CTNND2: variants seen among roughly 807,000 people sequenced by gnomAD.
CTNND2 encodes catenin delta 2, also known as catenin delta-2.
CTNND2 carries 22 observed loss-of-function variants against 144.4 expected under a neutral mutation model. That is an observed-to-expected ratio of 0.15 (90% CI 0.11 to 0.22). CTNND2 has a LOEUF of 0.22. CTNND2 is among the 10% of genes least tolerant of loss of function. The probability of loss-of-function intolerance (pLI) is 1.00; values close to 1 mark genes in which losing one functional copy is unlikely to be tolerated. For synonymous variants in CTNND2, 751 were observed against 695.6 expected (o/e 1.08, Z -1.25); for missense variants, 1,353 against 1,618.8 (o/e 0.84, Z 2.82).
chr5:11,700,548 G>C (rs1414673322), intron 2 of CTNND2, among the ~76,000 whole-genome samples: 1 of 152,188 alleles, frequency 6.6e-6, no homozygotes, highest in Non-Finnish European at 1.5e-5. Flanking sequence ...GCCATGGTGA[G>C]AATGTGCCTC....
rs199661061 is a variant in CTNND2 at position 11,130,262 on chromosome 5, C to CG, written c.2160-12696_2160-12695insC. Among the ~76,000 whole-genome samples, 7 of 152,152 alleles carry CG rather than the reference C, an allele frequency of 4.6e-5. No individual in the cohort carries two copies. The South Asian group carries it at 1.3e-3, about 27-fold the overall frequency. ...GTGGTTGCTAGGTTCATACCACACC[C>CG]CCCCCATCCACCCATAAACGTAAGC... On this transcript the variant is annotated intron_variant, in intron 12 of 21. Coordinates refer to ENST00000304623, the MANE Select transcript of CTNND2 (RefSeq NM_001332.4).
intron 7 of CTNND2, among the ~76,000 whole-genome samples, chr5:11,366,804 GA>G (rs1163562576): frequency 6.6e-6 from 1 of 152,036 alleles, no homozygotes; most frequent in Non-Finnish European, 1.5e-5. Context: ...AACATCCAAT[GA>G]TGACCAATGA....
At chr5:11,290,882 T>C (rs1306681481) in intron 9 of CTNND2, among the ~76,000 whole-genome samples, 1 of 152,188 alleles carries the variant, frequency 6.6e-6, no homozygotes, top group African/African-American at 2.4e-5. Flanking sequence ...ACTGAGCCCC[T>C]AAGAAGGGAC....
intron 3 of CTNND2, among the ~76,000 whole-genome samples, chr5:11,450,823 G>A (rs775764642): frequency 5.3e-5 from 8 of 149,832 alleles, no homozygotes; most frequent in South Asian, 4.2e-4. Flanking sequence ...ACTTGAACCC[G>A]GGAGGCGGAG....
At chr5:11,050,145 A>G (rs1745683087) in intron 16 of CTNND2, among the ~76,000 whole-genome samples, 1 of 152,038 alleles carries the variant, frequency 6.6e-6, no homozygotes, top group Admixed American at 6.5e-5. Flanking sequence ...CTTTCTACCA[A>G]TTTCTGGTAG....
rs1009246816 is a variant in CTNND2, at chr5:11,903,093, C to A, written c.37+724G>T. 8.7e-6 allele frequency: 6 copies of A among 689,706 alleles called. No individual in the cohort carries two copies. The highest frequency in any genetic ancestry group is 7.2e-4 in the Middle Eastern group (1 of 1,392). The allele number at this position is 689,706 out of a possible 1,614,324, so 42.7% of individuals were successfully genotyped here. ...GGTCGGGAAAAAAAGAAAAAAGCAG[C>A]TTCGCTTTCAGCCATTAATTACGGA... On this transcript the variant is annotated intron_variant, in intron 1 of 21. Coordinates refer to ENST00000304623, the MANE Select transcript of CTNND2 (RefSeq NM_001332.4). This position sits in a 1 kb window ranked among gnomAD's most constrained non-coding sequence, Gnocchi z 5.4.
chr5:11,806,991 C>G (rs1028033168), intron 1 of CTNND2, among the ~76,000 whole-genome samples: 1 of 151,960 alleles, frequency 6.6e-6, no homozygotes. Context: ...TCTCAAGTTG[C>G]TAATGGGTGT....
chr5:11,846,481 A>G (rs1360463511), intron 1 of CTNND2, among the ~76,000 whole-genome samples: 1 of 152,200 alleles, frequency 6.6e-6, no homozygotes, highest in African/African-American at 2.4e-5. Context: ...ACCCAAAACT[A>G]TGCAATTAGT....
intron 3 of CTNND2, among the ~76,000 whole-genome samples, chr5:11,519,713 G>A (rs981340440): frequency 1.4e-4 from 21 of 152,128 alleles, no homozygotes; most frequent in African/African-American, 5.1e-4. Context: ...GATAGGAAGT[G>A]TTTTCTAAGT....
At chr5:11,051,370 C>T (rs911972263) in intron 16 of CTNND2, among the ~76,000 whole-genome samples, 7 of 152,100 alleles carry the variant, frequency 4.6e-5, no homozygotes, top group African/African-American at 1.7e-4. Flanking sequence ...AGACACAGCT[C>T]CCTGGTTAAT....
intron 3 of CTNND2, among the ~76,000 whole-genome samples, chr5:11,470,971 T>TATATATATATATAC: frequency 1.0e-5 from 1 of 95,728 alleles, no homozygotes; most frequent in South Asian, 3.5e-4. Context: ...TATATATATA[T>TATATATATATATAC]ATATATATAT....
chr5:11,903,698 A>AGCCGCC lies in CTNND2; in HGVS notation c.37+113_37+118dup, dbSNP rs1015869490. On this transcript the variant is annotated intron_variant, in intron 1 of 21. Coordinates refer to ENST00000304623, the MANE Select transcript of CTNND2 (RefSeq NM_001332.4). This position sits in a 1 kb window ranked among gnomAD's most constrained non-coding sequence, Gnocchi z 5.4. ...CCGAGGCAGGCAGAAACCCCGCAGC[A>AGCCGCC]GCCGCCGCCGCCGCCTGCCGGCCGG... The AGCCGCC allele has an allele frequency of 1.2e-5, 13 of 1,081,998 alleles. No homozygotes were observed. Among genetic ancestry groups the AGCCGCC allele is most frequent in the South Asian group, 2.0e-5 (1 of 51,236 alleles). The allele number at this position is 1,081,998 out of a possible 1,614,324, so 67.0% of individuals were successfully genotyped here. A position where few individuals can be genotyped will look rare whatever the true frequency, so the allele number is the denominator to read the frequency against.
intron 3 of CTNND2, among the ~76,000 whole-genome samples, chr5:11,448,803 G>T (rs977193473): frequency 3.9e-5 from 6 of 152,034 alleles, no homozygotes; most frequent in African/African-American, 1.4e-4. Context: ...CAAAAAGCTG[G>T]AACTATAGGC....
chr5:11,423,887 A>T (rs544536352), intron 3 of CTNND2, among the ~76,000 whole-genome samples: 51 of 151,702 alleles, frequency 3.4e-4, no homozygotes, highest in East Asian at 3.1e-3. Flanking sequence ...TAAAGAAAAA[A>T]TTTTTTTTTT....
intron 2 of CTNND2, among the ~76,000 whole-genome samples, chr5:11,634,841 G>A (rs978237756): frequency 6.6e-6 from 1 of 152,096 alleles, no homozygotes; most frequent in African/African-American, 2.4e-5. Flanking sequence ...TAAAGGTGCA[G>A]CTTGTGGTAT....
At chr5:11,516,922 AAAT>A (rs1305622527) in intron 3 of CTNND2, among the ~76,000 whole-genome samples, 1 of 152,168 alleles carries the variant, frequency 6.6e-6, no homozygotes, top group Non-Finnish European at 1.5e-5. Context: ...CTCAATTTCA[AAAT>A]TTGTAGTTGT....
At chr5:11,453,875 T>C (rs1176587054) in intron 3 of CTNND2, among the ~76,000 whole-genome samples, 3 of 152,224 alleles carry the variant, frequency 2.0e-5, no homozygotes, top group African/African-American at 7.2e-5. Context: ...AATCATTTAT[T>C]ACACGATAAT....
rs138937696 is a variant in CTNND2 at position 11,852,256 on chromosome 5, G to C, written c.37+51561C>G. Among the ~76,000 whole-genome samples, 8 of 152,130 alleles carry C rather than the reference G, an allele frequency of 5.3e-5. No individual in the cohort carries two copies. In the East Asian group the frequency reaches 1.5e-3, roughly 29 times the overall value. ...GTAAAGCCATTCATTATAACCAAAGGTGATTATTCAAAGTCTGAAAGAGAT... is the reference window on the plus strand; with the variant it reads ...GTAAAGCCATTCATTATAACCAAAGCTGATTATTCAAAGTCTGAAAGAGAT... On this transcript the variant is annotated intron_variant, in intron 1 of 21. Coordinates refer to ENST00000304623, the MANE Select transcript of CTNND2 (RefSeq NM_001332.4).
intron 9 of CTNND2, among the ~76,000 whole-genome samples, chr5:11,252,841 G>T (rs931946411): frequency 2.0e-5 from 3 of 152,164 alleles, no homozygotes; most frequent in African/African-American, 7.2e-5. Context: ...AATTTCATGA[G>T]GATAAAGTAA....
Sources: gnomAD v4.1 joint callset for allele counts (sites outside exome capture counted in the v4.1 genomes callset) on GRCh38, gnomAD v4.1.1 for gene constraint, Gnocchi (gnomAD v3.1) non-coding constraint, MANE v1.5 for transcripts, NCBI Gene and HGNC (gene_info 2026-07-23, HGNC 2026-07-21) for gene names.